PLEKHA8: variants seen among roughly 807,000 people sequenced by gnomAD.
PLEKHA8 encodes pleckstrin homology domain containing A8.
Under a neutral mutation model 68.2 loss-of-function variants are expected in PLEKHA8, and 36 were observed. The ratio of observed to expected loss-of-function variants is 0.53; its 90% CI spans 0.40 to 0.70. The LOEUF (loss-of-function observed/expected upper bound fraction) is 0.70, where lower values mean the gene tolerates loss of function less well. Ranked by LOEUF, PLEKHA8 falls within the 30% of genes least tolerant of loss-of-function variation. The pLI is 0.00. For synonymous variants in PLEKHA8, 211 were observed against 216.1 expected (o/e 0.98, Z 0.20); for missense variants, 505 against 615.4 (o/e 0.82, Z 1.90).
intron 1 of PLEKHA8, among the ~76,000 whole-genome samples, chr7:30,033,918 G>C (rs1168018197): frequency 6.8e-6 from 1 of 147,108 alleles, no homozygotes; most frequent in African/African-American, 2.5e-5. Context: ...TTTATATGCT[G>C]ATTATCCATT....
chr7:30,059,500 T>C (rs1793262890), intron 9 of PLEKHA8, among the ~76,000 whole-genome samples: 1 of 152,154 alleles, frequency 6.6e-6, no homozygotes, highest in African/African-American at 2.4e-5. Context: ...TCTATCATCT[T>C]GCTACTTATT....
intron 1 of PLEKHA8, among the ~76,000 whole-genome samples, chr7:30,030,707 A>G (rs753842604): frequency 6.9e-4 from 105 of 152,220 alleles, no homozygotes; most frequent in Non-Finnish European, 1.3e-3. Flanking sequence ...AGATATACAT[A>G]GAATGATGGT....
intron 12 of PLEKHA8, among the ~76,000 whole-genome samples, chr7:30,063,129 TC>T (rs1221215308): frequency 5.9e-5 from 9 of 152,150 alleles, no homozygotes; most frequent in Admixed American, 4.6e-4. Flanking sequence ...CGTGGGGGAA[TC>T]CCAGGGATTT....
intron 13 of PLEKHA8, among the ~76,000 whole-genome samples, chr7:30,107,236 C>T (rs1021530744): frequency 6.6e-6 from 1 of 151,910 alleles, no homozygotes; most frequent in African/African-American, 2.4e-5. Flanking sequence ...ATACAAGGTA[C>T]CTAGGAATAA....
intron 1 of PLEKHA8, among the ~76,000 whole-genome samples, chr7:30,034,275 C>T (rs1020899327): frequency 1.3e-5 from 2 of 151,910 alleles, no homozygotes; most frequent in Non-Finnish European, 2.9e-5. Context: ...TCCCAAAGTG[C>T]TAGGATTACA....
intron 13 of PLEKHA8, among the ~76,000 whole-genome samples, chr7:30,103,287 A>G (rs1172359715): frequency 2.0e-5 from 3 of 152,260 alleles, no homozygotes; most frequent in Non-Finnish European, 4.4e-5. Flanking sequence ...AATGTAATAT[A>G]CCAAAAGTTA....
intron 13 of PLEKHA8, chr7:30,074,941 T>A (rs1181096709): frequency 1.3e-5 from 2 of 152,158 alleles, no homozygotes; most frequent in African/African-American, 4.8e-5. Flanking sequence ...CTCCTTTATG[T>A]CAGCAATACA....
At chr7:30,127,911 G>A (rs936263672) in intron 13 of PLEKHA8, among the ~76,000 whole-genome samples, 8 of 152,066 alleles carry the variant, frequency 5.3e-5, no homozygotes, top group African/African-American at 1.9e-4. Context: ...AGTTAATTAA[G>A]AAGTTAAATA....
intron 11 of PLEKHA8, among the ~76,000 whole-genome samples, 168 bp downstream of exon 11, chr7:30,062,195 C>G (rs1363707026): frequency 6.6e-6 from 1 of 150,752 alleles, no homozygotes; most frequent in Admixed American, 6.6e-5. Flanking sequence ...TTTTTTGCCT[C>G]TCTTTTGATG....
intron 13 of PLEKHA8, chr7:30,115,985 T>TATAC (rs1796504310): frequency 9.3e-6 from 1 of 107,980 alleles, no homozygotes; most frequent in African/African-American, 3.4e-5. Flanking sequence ...TGCATGCATG[T>TATAC]ATGCATACGC....
intron 13 of PLEKHA8, among the ~76,000 whole-genome samples, chr7:30,108,801 C>T (rs1397804790): frequency 2.0e-5 from 3 of 152,346 alleles, no homozygotes; most frequent in South Asian, 2.1e-4. Context: ...TAGCTCCCTT[C>T]CTTTGTTCCT....
rs537966096 is a variant in PLEKHA8, at chr7:30,052,572, G to A, written c.639-137G>A. The A allele has an allele frequency of 3.1e-5, 21 of 671,330 alleles. No individual in the cohort carries two copies. In the South Asian group the frequency reaches 4.8e-4, roughly 15 times the overall value. 41.6% of individuals were successfully genotyped at this position (671,330 alleles called of 1,614,324 possible). A position where few individuals can be genotyped will look rare whatever the true frequency, so the allele number is the denominator to read the frequency against. On this transcript the variant is annotated intron_variant, in intron 6 of 13. Coordinates refer to ENST00000449726, the MANE Select transcript of PLEKHA8 (RefSeq NM_001197026.2). ...CAAGTAGGAGGATTGATTGAGCCCA[G>A]AAGATTGCAGTGAGCTGTGATTGTG...
Position 30,080,026 on chromosome 7 carries a change from C to G in PLEKHA8, c.*1239C>G. 2.0e-6 allele frequency: 2 copies of G among 985,186 alleles called. No individual in the cohort carries two copies. The highest frequency in any genetic ancestry group is 9.4e-5 in the South Asian group (2 of 21,276). The allele number at this position is 985,186 out of a possible 1,614,324, so 61.0% of individuals were successfully genotyped here. On this transcript the variant is annotated 3_prime_UTR_variant, in exon 14 of 14. Transcript: ENST00000449726. ...CAGCATTGACACCCAGCCAGCAGGC[C>G]TTTGCATTGCATTCGGGGACCATGA...
At chr7:30,090,768 A>G, downstream of PLEKHA8, 5 of 544,746 alleles carry the variant, frequency 9.2e-6, no homozygotes, top group South Asian at 1.6e-4. Flanking sequence ...AGTTCACTTT[A>G]GTTTCTTGTC....
Position 30,124,752 on chromosome 7 carries a change from A to G in PLEKHA8, c.1363-4514A>G, listed in dbSNP as rs144249084. On this transcript the variant is annotated intron_variant, in intron 13 of 13. Transcript: ENST00000396257. ...AAAGGTTTTCACTTATGAAAGAGCA[A>G]AGGTTCTTTTTAATCATGTTGCCTT... Among the ~76,000 whole-genome samples, 74 of 152,058 alleles carry G rather than the reference A, an allele frequency of 4.9e-4. 1 individual carries two copies. Among genetic ancestry groups the G allele is most frequent in the African/African-American group, 1.6e-3 (68 of 41,530 alleles).
At chr7:30,054,893 T>TG (rs751020147) in intron 8 of PLEKHA8, 28 bp downstream of exon 8, 7 of 1,558,742 alleles carry the variant, frequency 4.5e-6, no homozygotes, top group Non-Finnish European at 6.1e-6. Flanking sequence ...ATATCACTGA[T>TG]GCTTGGATAC....
downstream of PLEKHA8, among the ~76,000 whole-genome samples, chr7:30,093,626 C>A (rs959553603): frequency 3.9e-5 from 6 of 152,196 alleles, no homozygotes; most frequent in East Asian, 3.9e-4. Flanking sequence ...ATTGCACAAC[C>A]CTGCTCATAA....
chr7:30,033,968 T>C (rs1790852450), intron 1 of PLEKHA8, among the ~76,000 whole-genome samples: 1 of 148,826 alleles, frequency 6.7e-6, no homozygotes, highest in Admixed American at 6.7e-5. Context: ...TTTTTGCCCA[T>C]TTGTTTGGGT....
chr7:30,127,698 C>A (rs1159420138), intron 13 of PLEKHA8, among the ~76,000 whole-genome samples: 4 of 152,128 alleles, frequency 2.6e-5, no homozygotes, highest in Non-Finnish European at 5.9e-5. Context: ...TCTTTGAGCT[C>A]CTATATAGAA....
Sources: gnomAD v4.1 joint callset for allele counts (sites outside exome capture counted in the v4.1 genomes callset) on GRCh38, gnomAD v4.1.1 for gene constraint, MANE v1.5 for transcripts, NCBI Gene and HGNC (gene_info 2026-07-23, HGNC 2026-07-21) for gene names.